CNOT10: variants seen among roughly 807,000 people sequenced by gnomAD.
The protein encoded by CNOT10 is CCR4-NOT transcription complex subunit 10.
CNOT10 carries 30 observed loss-of-function variants against 94.6 expected under a neutral mutation model. The observed-to-expected ratio is 0.32, with a 90% CI of 0.24 to 0.43. The LOEUF (loss-of-function observed/expected upper bound fraction) is 0.43. CNOT10 is among the 20% of genes least tolerant of loss of function. The pLI, the probability that CNOT10 is intolerant of heterozygous loss-of-function variation, is 1.00. For synonymous variants in CNOT10, 289 were observed against 301.6 expected (o/e 0.96, Z 0.43); for missense variants, 759 against 877.2 (o/e 0.87, Z 1.70).
intron 1 of CNOT10, among the ~76,000 whole-genome samples, chr3:32,695,125 G>A (rs1696991906): frequency 6.6e-6 from 1 of 152,138 alleles, no homozygotes; most frequent in South Asian, 2.1e-4. Context: ...CTTATTCTTT[G>A]GGCTGCGAAG....
rs1330007432 is a variant in CNOT10, at chr3:32,685,292, C to T, written c.-169C>T. On this transcript the variant is annotated 5_prime_UTR_variant, in exon 1 of 19. Transcript: ENST00000328834. ...TGTTGCTAGACGACGGGAACTAGCT[C>T]TCGTCACTTCCTCAGCCCGCCGTCT... 5 of 654,312 alleles carry T rather than the reference C, an allele frequency of 7.6e-6. No homozygotes were observed. The highest frequency in any genetic ancestry group is 1.3e-5 in the Non-Finnish European group (5 of 379,568). The allele number at this position is 654,312 out of a possible 1,614,324, so 40.5% of individuals were successfully genotyped here. A position where few individuals can be genotyped will look rare whatever the true frequency, so the allele number is the denominator to read the frequency against.
intron 15 of CNOT10, 137 bp downstream of exon 15, chr3:32,763,000 C>A: frequency 1.2e-6 from 1 of 844,238 alleles, no homozygotes; most frequent in Non-Finnish European, 1.7e-6. Flanking sequence ...TTTGTCTGTA[C>A]TTACTTTGTA....
intron 13 of CNOT10, among the ~76,000 whole-genome samples, chr3:32,738,770 A>C (rs1243665333): frequency 6.6e-6 from 1 of 151,624 alleles, no homozygotes; most frequent in Non-Finnish European, 1.5e-5. Flanking sequence ...CCTGTATTTC[A>C]TCTTATCTCA....
intron 1 of CNOT10, among the ~76,000 whole-genome samples, chr3:32,686,160 T>G (rs113896800): frequency 0.022 from 3,322 of 152,344 alleles, 46 homozygotes; most frequent in East Asian, 0.047. Flanking sequence ...TCTCAATGGT[T>G]TTCTTTATGG....
At chr3:32,696,461 A>T (rs1299253518) in intron 1 of CNOT10, among the ~76,000 whole-genome samples, 1 of 152,200 alleles carries the variant, frequency 6.6e-6, no homozygotes, top group African/African-American at 2.4e-5. Flanking sequence ...TTCATCCTGA[A>T]GTTAAAGAAG....
chr3:32,754,518 CTTTT>C lies in CNOT10; in HGVS notation c.1596-4924_1596-4921del, dbSNP rs752732319. On this transcript the variant is annotated intron_variant, in intron 13 of 18. Coordinates refer to ENST00000328834, the MANE Select transcript of CNOT10 (RefSeq NM_015442.3). ...CATATATATATATATATTTATTTTA[CTTTT>C]TTTTTTTTTTTTTTTGAGACGGAGT... is the stretch of plus-strand genomic sequence containing the variant. Among the ~76,000 whole-genome samples, 8 of 62,012 alleles carry C rather than the reference CTTTT, an allele frequency of 1.3e-4. No homozygotes were observed. The East Asian group carries it at 5.0e-3, about 39-fold the overall frequency. The allele number at this position is 62,012 out of a possible 152,430, so 40.7% of individuals were successfully genotyped here. A position where few individuals can be genotyped will look rare whatever the true frequency, so the allele number is the denominator to read the frequency against.
chr3:32,713,586 TA>T (rs1697983127), intron 5 of CNOT10, among the ~76,000 whole-genome samples: 1 of 152,186 alleles, frequency 6.6e-6, no homozygotes, highest in Non-Finnish European at 1.5e-5. Flanking sequence ...GTACAACCAT[TA>T]CTACTATCTA....
At chr3:32,695,667 A>T (rs1559476019) in intron 1 of CNOT10, 3 of 1,535,986 alleles carry the variant, frequency 2.0e-6, no homozygotes, top group Non-Finnish European at 2.6e-6. Flanking sequence ...TTTGTGGGTC[A>T]AAGAGCTCTG....
intron 17 of CNOT10, among the ~76,000 whole-genome samples, chr3:32,768,857 G>A (rs186574003): frequency 1.3e-5 from 2 of 152,238 alleles, no homozygotes; most frequent in Non-Finnish European, 2.9e-5. Flanking sequence ...CATCTCCCAC[G>A]TTCAAGCTGC....
In CNOT10 at chr3:32,750,194, ACT is replaced by A. The variant is rs1699899995; in HGVS notation, c.1596-9263_1596-9262del. Among the ~76,000 whole-genome samples, 4 of 152,154 alleles carry A rather than the reference ACT, an allele frequency of 2.6e-5. No homozygotes were observed. In the South Asian group the frequency reaches 8.3e-4, roughly 32 times the overall value. Reference sequence around the variant, plus strand: ...CCAGCCTGGATGACAAGAGCTAGACACTGTGTCAAAAAAGTAAGGCCTGGGCA... The same window carrying A: ...CCAGCCTGGATGACAAGAGCTAGACAGTGTCAAAAAAGTAAGGCCTGGGCA... On this transcript the variant is annotated intron_variant, in intron 13 of 18. Transcript: ENST00000328834.
chr3:32,761,648 C>G (rs1169376723), intron 14 of CNOT10, among the ~76,000 whole-genome samples: 1 of 151,780 alleles, frequency 6.6e-6, no homozygotes, highest in Non-Finnish European at 1.5e-5. Context: ...CTCTGCCTCC[C>G]CAGTTCAAGG....
rs1428288083 is a variant in CNOT10 at position 32,725,489 on chromosome 3, G to A, written c.902G>A (p.Cys301Tyr). ...LRCMFWNNLG[C>Y]IHFAMSKHNL... ...TGCATGTTCTGGAATAACCTTGGTT[G>A]CATCCATTTTGCCATGAGCAAGCAC... The change falls in exon 9 of 19, where the codon TGC (cysteine) becomes TAC (tyrosine). Residue 301 changes from cysteine (C) to tyrosine (Y), a missense_variant. By Grantham distance (194) the Cys-to-Tyr change is radical (BLOSUM62 -2). This residue lies in a region of CNOT10 where 682 missense variants were observed against 799.4 expected (regional missense o/e 0.85). Transcript: ENST00000328834. The A allele has an allele frequency of 6.2e-7, 1 of 1,613,796 alleles. No individual in the cohort carries two copies. Among genetic ancestry groups the A allele is most frequent in the South Asian group, 1.1e-5 (1 of 91,044 alleles).
chr3:32,756,148 G>A (rs1184872837), intron 13 of CNOT10, among the ~76,000 whole-genome samples: 1 of 152,040 alleles, frequency 6.6e-6, no homozygotes, highest in Non-Finnish European at 1.5e-5. Flanking sequence ...GTGATGAGAG[G>A]TGAGTTGGGA....
In CNOT10 at chr3:32,687,491, A is replaced by C. The variant is rs577254742; in HGVS notation, c.22+2009A>C. On this transcript the variant is annotated intron_variant, in intron 1 of 18. Coordinates refer to ENST00000328834, the MANE Select transcript of CNOT10 (RefSeq NM_015442.3). Reference sequence around the variant, plus strand: ...TTTTGAGACGGAGTCTCGCTCTGTCACCCAGGCTGGAGTGCAGTGGTGCGA... The same window carrying C: ...TTTTGAGACGGAGTCTCGCTCTGTCCCCCAGGCTGGAGTGCAGTGGTGCGA... Among the ~76,000 whole-genome samples the C allele has an allele frequency of 4.0e-3, 409 of 102,810 alleles. 7 individuals are homozygous for C. The highest frequency in any genetic ancestry group is 0.014 in the African/African-American group (391 of 27,170). The allele number at this position is 102,810 out of a possible 152,430, so 67.4% of individuals were successfully genotyped here.
chr3:32,729,760 CTTTTTTTTTTTTT>C (rs10590243), intron 10 of CNOT10, among the ~76,000 whole-genome samples: 2 of 71,762 alleles, frequency 2.8e-5, no homozygotes, highest in East Asian at 4.6e-4. Context: ...ATTTATACTT[CTTTTTTTTTTTTT>C]TTTTTTTTTT....
intron 18 of CNOT10, among the ~76,000 whole-genome samples, chr3:32,770,551 T>C (rs1700858997): frequency 6.6e-6 from 1 of 152,002 alleles, no homozygotes; most frequent in African/African-American, 2.4e-5. Context: ...GGTCTCGATC[T>C]CCTGACCTCA....
rs1575231449 is a variant in CNOT10 at position 32,716,928 on chromosome 3, C to T, written c.661-226C>T. On this transcript the variant is annotated intron_variant, in intron 6 of 18. Transcript: ENST00000328834. ...GCCTCCAAAGTACTGGGATTACAGG[C>T]GTGAGCCACCACATCTGGCTAAGTT... Among the ~76,000 whole-genome samples the T allele has an allele frequency of 2.6e-5, 4 of 152,224 alleles. No individual in the cohort carries two copies. In the South Asian group the frequency reaches 8.3e-4, roughly 32 times the overall value.
At chr3:32,753,405 G>A (rs1262374586) in intron 13 of CNOT10, 2 of 1,446,708 alleles carry the variant, frequency 1.4e-6, no homozygotes, top group Non-Finnish European at 1.9e-6. Context: ...ATGTAAATGT[G>A]GAATTTTCAG....
chr3:32,690,466 C>G (rs1696801546), intron 1 of CNOT10, among the ~76,000 whole-genome samples: 1 of 152,088 alleles, frequency 6.6e-6, no homozygotes, highest in African/African-American at 2.4e-5. Flanking sequence ...CTCACTGCAG[C>G]CATGAACTCC....
Sources: gnomAD v4.1 joint callset for allele counts (sites outside exome capture counted in the v4.1 genomes callset) on GRCh38, gnomAD v4.1.1 for gene constraint, gnomAD v4.1.1 regional missense constraint, MANE v1.5 for transcripts, NCBI Gene and HGNC (gene_info 2026-07-23, HGNC 2026-07-21) for gene names.